The following TMEFF2 variants were observed in gnomAD, a reference collection of about 807,000 sequenced individuals.
The protein encoded by TMEFF2 is tomoregulin-2.
In TMEFF2, 28 loss-of-function variants were observed where a neutral mutation model predicts 53.8. The ratio of observed to expected loss-of-function variants is 0.52; its 90% CI spans 0.39 to 0.71. The LOEUF (loss-of-function observed/expected upper bound fraction) is 0.71. TMEFF2 is among the 30% of genes least tolerant of loss of function. The pLI is 0.00. For synonymous variants in TMEFF2, 162 were observed against 166.3 expected (o/e 0.97, Z 0.20); for missense variants, 353 against 455.2 (o/e 0.78, Z 2.04).
intron 5 of TMEFF2, among the ~76,000 whole-genome samples, chr2:192,001,458 A>C (rs1390162249): frequency 6.6e-6 from 1 of 152,174 alleles, no homozygotes; most frequent in Non-Finnish European, 1.5e-5. Context: ...AGTCACATAT[A>C]TATATAGACA....
At position 192,136,128 on chromosome 2, in the gene TMEFF2, T is replaced by A. The variant is rs539420170; in HGVS notation, c.439+43540A>T. 3.3e-5 allele frequency among the ~76,000 whole-genome samples: 5 copies of A among 152,328 alleles called. No individual in the cohort carries two copies. In the South Asian group the frequency reaches 1.0e-3, roughly 32 times the overall value. On this transcript the variant is annotated intron_variant, in intron 4 of 9. Transcript: ENST00000272771. Reference sequence around the variant, plus strand: ...CGCATGAAAGAGTATTTTTCCTTTTTTTCAAAATAAATAGTAATCTACTAA... The same window carrying A: ...CGCATGAAAGAGTATTTTTCCTTTTATTCAAAATAAATAGTAATCTACTAA...
chr2:192,008,762 G>C (rs993021454), intron 5 of TMEFF2, among the ~76,000 whole-genome samples: 2 of 152,176 alleles, frequency 1.3e-5, no homozygotes, highest in African/African-American at 4.8e-5. Flanking sequence ...GAACGTTTAA[G>C]CACATTCCCA....
intron 7 of TMEFF2, among the ~76,000 whole-genome samples, chr2:191,979,754 A>T (rs570190847): frequency 4.3e-5 from 6 of 139,598 alleles, no homozygotes; most frequent in East Asian, 4.0e-4. Context: ...CAGTAGAGAT[A>T]AAAAAAAAAA....
At chr2:192,114,113 C>A (rs1689346577) in intron 4 of TMEFF2, among the ~76,000 whole-genome samples, 1 of 144,630 alleles carries the variant, frequency 6.9e-6, no homozygotes, top group Admixed American at 6.9e-5. Flanking sequence ...TGTGTGATAG[C>A]CCTTAACCAA....
intron 8 of TMEFF2, among the ~76,000 whole-genome samples, chr2:191,955,834 C>T (rs1304087872): frequency 6.6e-6 from 1 of 151,942 alleles, no homozygotes; most frequent in African/African-American, 2.4e-5. Context: ...ACCTGAAGGA[C>T]TTAGGAAAAG....
At chr2:192,171,124 T>C (rs1690902056) in intron 4 of TMEFF2, among the ~76,000 whole-genome samples, 1 of 152,040 alleles carries the variant, frequency 6.6e-6, no homozygotes, top group Non-Finnish European at 1.5e-5. Flanking sequence ...ATTAAAAATT[T>C]CAAAAAGAAG....
At chr2:191,965,375 C>G (rs1379923126) in intron 7 of TMEFF2, among the ~76,000 whole-genome samples, 1 of 152,112 alleles carries the variant, frequency 6.6e-6, no homozygotes, top group Non-Finnish European at 1.5e-5. Flanking sequence ...CCAAATTTGT[C>G]TATTTCTCTA....
At chr2:192,099,924 G>A (rs887182042) in intron 4 of TMEFF2, among the ~76,000 whole-genome samples, 32 of 152,082 alleles carry the variant, frequency 2.1e-4, no homozygotes, top group African/African-American at 7.7e-4. Flanking sequence ...TATTACTCAA[G>A]TGTATTCCAA....
intron 4 of TMEFF2, among the ~76,000 whole-genome samples, chr2:192,107,640 G>A (rs1689179861): frequency 6.6e-6 from 1 of 151,650 alleles, no homozygotes; most frequent in Non-Finnish European, 1.5e-5. Flanking sequence ...GTTTTTTATA[G>A]ACTTGGAAAA....
At chr2:192,010,131 T>C (rs1291948255) in intron 5 of TMEFF2, among the ~76,000 whole-genome samples, 1 of 152,190 alleles carries the variant, frequency 6.6e-6, no homozygotes, top group East Asian at 1.9e-4. Context: ...GTTTATCATA[T>C]GAAGGGAATC....
chr2:192,154,057 G>A (rs1690450505), intron 4 of TMEFF2, among the ~76,000 whole-genome samples: 1 of 151,884 alleles, frequency 6.6e-6, no homozygotes, highest in Admixed American at 6.6e-5. Flanking sequence ...TCTGATTAGT[G>A]ACATGGCTGC....
rs114686087 is a variant in TMEFF2 at position 192,015,598 on chromosome 2, C to T, written c.537-16390G>A. 4.8e-3 allele frequency among the ~76,000 whole-genome samples: 736 copies of T among 151,976 alleles called. 10 individuals carry two copies. Among genetic ancestry groups the T allele is most frequent in the African/African-American group, 0.017 (706 of 41,448 alleles). The stretch of plus-strand genomic sequence containing the variant: ...TTGAAGTAATTGTATTTAAGCAGTC[C>T]ACACTAAATAAAAGGGCAACTATAT... On this transcript the variant is annotated intron_variant, in intron 5 of 9. Transcript: ENST00000272771.
chr2:192,008,288 G>A (rs1386138889), intron 5 of TMEFF2, among the ~76,000 whole-genome samples: 4 of 152,196 alleles, frequency 2.6e-5, no homozygotes, highest in African/African-American at 7.2e-5. Flanking sequence ...GGCTCCTTTC[G>A]AGGCAGAAGT....
At chr2:192,119,190 GTTA>G (rs758293157) in intron 4 of TMEFF2, among the ~76,000 whole-genome samples, 20 of 152,088 alleles carry the variant, frequency 1.3e-4, no homozygotes, top group Non-Finnish European at 2.4e-4. Flanking sequence ...TCACAAATTT[GTTA>G]TTGATAAAAT....
chr2:192,155,766 G>A lies in TMEFF2; in HGVS notation c.439+23902C>T, dbSNP rs1383539452. On this transcript the variant is annotated intron_variant, in intron 4 of 9. Transcript: ENST00000272771. ...AGAGAACTGCCAAGACCCATGAAAT[G>A]TCTAAATAAGCAGAGGCCTGGTTTT... Among the ~76,000 whole-genome samples the A allele has an allele frequency of 2.6e-5, 4 of 152,018 alleles. No homozygotes were observed. The East Asian group carries it at 7.7e-4, about 29-fold the overall frequency.
intron 4 of TMEFF2, among the ~76,000 whole-genome samples, chr2:192,166,145 T>C (rs1179404209): frequency 6.6e-6 from 1 of 152,114 alleles, no homozygotes; most frequent in Non-Finnish European, 1.5e-5. Context: ...GAAAAATAAG[T>C]GAAACTAAGT....
At chr2:192,067,458 A>G (rs949208152) in intron 4 of TMEFF2, among the ~76,000 whole-genome samples, 4 of 151,868 alleles carry the variant, frequency 2.6e-5, no homozygotes, top group African/African-American at 7.2e-5. Flanking sequence ...TAAGGAGGTC[A>G]TCAGTTGAGG....
intron 7 of TMEFF2, among the ~76,000 whole-genome samples, chr2:191,963,830 T>A (rs998252399): frequency 6.6e-6 from 1 of 152,208 alleles, no homozygotes; most frequent in Non-Finnish European, 1.5e-5. Context: ...AGTAATTATG[T>A]CTTAAATTAC....
At chr2:192,035,461 A>G (rs1475947315) in intron 5 of TMEFF2, 3 of 152,162 alleles carry the variant, frequency 2.0e-5, no homozygotes, top group Non-Finnish European at 4.4e-5. Context: ...CAGTAATTTC[A>G]TTTTTTAATT....
Sources: gnomAD v4.1 joint callset for allele counts (sites outside exome capture counted in the v4.1 genomes callset) on GRCh38, gnomAD v4.1.1 for gene constraint, MANE v1.5 for transcripts, NCBI Gene and HGNC (gene_info 2026-07-23, HGNC 2026-07-21) for gene names.